The following LRRK1 variants were observed in gnomAD, a reference collection of about 807,000 sequenced individuals.
The protein encoded by LRRK1 is leucine-rich repeat serine/threonine-protein kinase 1.
LRRK1 carries 113 observed loss-of-function variants against 209.1 expected under a neutral mutation model. That is an observed-to-expected ratio of 0.54 (90% CI 0.46 to 0.63). LRRK1 has a LOEUF of 0.63. Ranked by LOEUF, LRRK1 falls within the 30% of genes least tolerant of loss-of-function variation. The pLI is 0.00. For synonymous variants in LRRK1, 1,144 were observed against 1,099.7 expected (o/e 1.04, Z -0.80); for missense variants, 2,284 against 2,632.2 (o/e 0.87, Z 2.89).
At chr15:101,014,759 C>T (rs903739911) in intron 11 of LRRK1, among the ~76,000 whole-genome samples, 3 of 152,202 alleles carry the variant, frequency 2.0e-5, no homozygotes, top group African/African-American at 7.2e-5. Context: ...TAGAGTCCAT[C>T]CTAATGACCT....
At position 100,919,359 on chromosome 15, in the gene LRRK1, A is replaced by G. The variant is rs1384199200; in HGVS notation, c.-215A>G. 1.3e-5 allele frequency: 2 copies of G among 149,798 alleles called. No homozygotes were observed. The highest frequency in any genetic ancestry group is 2.5e-5 in the African/African-American group (1 of 40,816). The allele number at this position is 149,798 out of a possible 1,614,324, so 9.3% of individuals were successfully genotyped here. A position where few individuals can be genotyped will look rare whatever the true frequency, so the allele number is the denominator to read the frequency against. On this transcript the variant is annotated 5_prime_UTR_variant, in exon 1 of 34. Coordinates refer to ENST00000388948, the MANE Select transcript of LRRK1 (RefSeq NM_024652.6). The surrounding 1 kb of genome is among the most constrained non-coding windows in gnomAD (Gnocchi z 5.8). The stretch of plus-strand genomic sequence containing the variant: ...GGCCCGGCCCCGGCGCGGGGGGCAG[A>G]CGGCGGTGGGACGGCCAGGCCCCGG...
intron 9 of LRRK1, 21 bp downstream of exon 9, chr15:101,010,858 C>G: frequency 1.3e-6 from 2 of 1,599,748 alleles, no homozygotes; most frequent in Non-Finnish European, 1.7e-6. Context: ...CACCAAAAGT[C>G]ATGAAAGCCA....
In LRRK1 at chr15:101,076,642, T is replaced by A. The variant is rs2036996375; in HGVS notation, c.*7794T>A. On this transcript the variant is annotated 3_prime_UTR_variant, in exon 34 of 34. Transcript: ENST00000388948. ...ATTTCCTTTCCATCGTGGAAATCTA[T>A]CCTCAAGGAAATAACTTCTCAGTGT... 1 of 152,306 alleles carries A rather than the reference T, an allele frequency of 6.6e-6. No homozygotes were observed. The highest frequency in any genetic ancestry group is 2.1e-4 in the South Asian group (1 of 4,838). The allele number at this position is 152,306 out of a possible 1,614,324, so 9.4% of individuals were successfully genotyped here. A position where few individuals can be genotyped will look rare whatever the true frequency, so the allele number is the denominator to read the frequency against.
At chr15:100,973,747 C>T (rs1463314103) in intron 2 of LRRK1, 57 bp from the exon 3 acceptor site, 26 of 1,249,484 alleles carry the variant, frequency 2.1e-5, no homozygotes, top group Non-Finnish European at 6.0e-6. Flanking sequence ...CGGTGATTCT[C>T]AAGAGCACGC....
intron 17 of LRRK1, among the ~76,000 whole-genome samples, chr15:101,026,798 G>T (rs1190956956): frequency 6.6e-6 from 1 of 152,212 alleles, no homozygotes; most frequent in Non-Finnish European, 1.5e-5. Context: ...CTCGCCCGGG[G>T]CAGAGCGCCA....
intron 6 of LRRK1, among the ~76,000 whole-genome samples, chr15:101,000,521 G>A (rs2032632950): frequency 6.6e-6 from 1 of 152,192 alleles, no homozygotes; most frequent in Non-Finnish European, 1.5e-5. Flanking sequence ...CACGGTCCTG[G>A]AGGTCAGCAG....
intron 12 of LRRK1, among the ~76,000 whole-genome samples, chr15:101,016,092 C>T (rs542353697): frequency 6.6e-6 from 1 of 151,796 alleles, no homozygotes; most frequent in East Asian, 1.9e-4. Context: ...CAGGTTCAAG[C>T]TATTCTCCTT....
chr15:101,037,696 A>T (rs1366701474), intron 20 of LRRK1, among the ~76,000 whole-genome samples: 1 of 152,092 alleles, frequency 6.6e-6, no homozygotes, highest in African/African-American at 2.4e-5. Flanking sequence ...TGCCTCACTC[A>T]CACCTCAGCC....
chr15:101,008,381 G>A (rs1283938136), intron 6 of LRRK1, among the ~76,000 whole-genome samples: 1 of 152,152 alleles, frequency 6.6e-6, no homozygotes, highest in East Asian at 1.9e-4. Flanking sequence ...GCTGCAGGCG[G>A]CAGCTCCTCT....
chr15:100,961,470 T>A (rs994063947), intron 2 of LRRK1, among the ~76,000 whole-genome samples: 2 of 151,960 alleles, frequency 1.3e-5, no homozygotes, highest in Admixed American at 1.3e-4. Context: ...CTGGCCAACA[T>A]GGTGAAACCC....
intron 6 of LRRK1, among the ~76,000 whole-genome samples, chr15:101,000,611 G>A (rs554261948): frequency 7.6e-4 from 116 of 152,308 alleles, no homozygotes; most frequent in South Asian, 3.5e-3. Context: ...TCCAGCTGCT[G>A]GGGACTGCTG....
At chr15:101,006,858 A>C (rs1317676945) in intron 6 of LRRK1, among the ~76,000 whole-genome samples, 2 of 152,232 alleles carry the variant, frequency 1.3e-5, no homozygotes, top group Admixed American at 1.3e-4. Flanking sequence ...AAATTTAAAA[A>C]ATTTTTCAAA....
intron 3 of LRRK1, among the ~76,000 whole-genome samples, chr15:100,981,856 C>T (rs992914453): frequency 2.0e-5 from 3 of 152,210 alleles, no homozygotes; most frequent in Non-Finnish European, 4.4e-5. Context: ...CATTCCTGCC[C>T]AACTTACCTA....
In LRRK1 at chr15:101,030,855, T is replaced by C. The variant is rs1373109484; in HGVS notation, c.2963+1623T>C. Among the ~76,000 whole-genome samples the C allele has an allele frequency of 2.6e-5, 4 of 152,198 alleles. 1 individual carries two copies. The highest frequency in any genetic ancestry group is 2.0e-4 in the Admixed American group (3 of 15,280). ...GATTTATGAGATTTCTGGCGCACCA[T>C]CACCCGAACAGTATACACTGCACCC... On this transcript the variant is annotated intron_variant, in intron 20 of 33. Coordinates refer to ENST00000388948, the MANE Select transcript of LRRK1 (RefSeq NM_024652.6).
chr15:100,937,479 A>G (rs2042321408), intron 2 of LRRK1, among the ~76,000 whole-genome samples: 1 of 151,042 alleles, frequency 6.6e-6, no homozygotes, highest in Non-Finnish European at 1.5e-5. Flanking sequence ...TTAAAATGTT[A>G]TATTTTTGTC....
intron 4 of LRRK1, 79 bp from the exon 5 acceptor site, chr15:100,988,555 C>T (rs765485775): frequency 2.5e-5 from 33 of 1,302,242 alleles, no homozygotes; most frequent in Middle Eastern, 1.8e-4. Flanking sequence ...TTGCTACTAG[C>T]GGTCTAAGGG....
At chr15:100,926,521 C>T (rs1434240013) in intron 2 of LRRK1, among the ~76,000 whole-genome samples, 1 of 150,420 alleles carries the variant, frequency 6.6e-6, no homozygotes, top group African/African-American at 2.4e-5. Flanking sequence ...CAACCACGGC[C>T]CACACAGTCA....
chr15:100,952,131 G>A (rs997922507), intron 2 of LRRK1, among the ~76,000 whole-genome samples: 2 of 152,148 alleles, frequency 1.3e-5, no homozygotes, highest in African/African-American at 4.8e-5. Flanking sequence ...GCAAACTGTA[G>A]AGATAGAAAG....
chr15:100,988,856 C>A (rs747682082), intron 5 of LRRK1, 43 bp downstream of exon 5: 2 of 1,474,946 alleles, frequency 1.4e-6, no homozygotes, highest in African/African-American at 1.4e-5. Flanking sequence ...ACCGTGCAAA[C>A]CATCTCAGCC....
Sources: gnomAD v4.1 joint callset for allele counts (sites outside exome capture counted in the v4.1 genomes callset) on GRCh38, gnomAD v4.1.1 for gene constraint, Gnocchi (gnomAD v3.1) non-coding constraint, MANE v1.5 for transcripts, NCBI Gene and HGNC (gene_info 2026-07-23, HGNC 2026-07-21) for gene names.